The following TPBG variants were observed in gnomAD, a reference collection of about 807,000 sequenced individuals.
TPBG encodes trophoblast glycoprotein, also known as 5T4 oncofetal antigen.
A neutral mutation model predicts 19.3 loss-of-function variants in TPBG; 13 were observed. The ratio of observed to expected loss-of-function variants is 0.67; its 90% CI spans 0.44 to 1.07. The LOEUF (loss-of-function observed/expected upper bound fraction) is 1.07. Ranked by LOEUF, TPBG falls within the 50% of genes least tolerant of loss-of-function variation. The probability of loss-of-function intolerance (pLI) is 0.00; values close to 1 mark genes in which losing one functional copy is unlikely to be tolerated. For missense variants in TPBG, 642 were observed against 559.6 expected (o/e 1.15, Z -1.49); for synonymous variants, 338 against 259.8 (o/e 1.30, Z -2.89).
At position 82,366,228 on chromosome 6, in the gene TPBG, A is replaced by G. The variant is rs770735087; in HGVS notation, c.*4A>G. The G allele has an allele frequency of 4.4e-6, 7 of 1,573,672 alleles. No individual in the cohort carries two copies. The African/African-American group carries it at 5.4e-5, about 12-fold the overall frequency. ...CAGTTCTAACTCGGATGTCTGAGAA[A>G]TATTAGAGGACAGACCAAGGACAAC... On this transcript the variant is annotated 3_prime_UTR_variant, in exon 2 of 2. Transcript: ENST00000369750.
At position 82,365,529 on chromosome 6, in the gene TPBG, CG is replaced by C. The variant is rs1302368977; in HGVS notation, c.570del (p.Gln191ArgfsTer51). The C allele has an allele frequency of 6.3e-7, 1 of 1,575,386 alleles. No homozygotes were observed. Among genetic ancestry groups the C allele is most frequent in the Non-Finnish European group, 8.6e-7 (1 of 1,162,786 alleles). ...LNHIVPPEDE[R>X]QNRSFEGMVV... ...CCACATCGTGCCCCCTGAAGATGAG[CG>C]GCAGAACCGGAGCTTCGAGGGCATG... is the stretch of plus-strand genomic sequence containing the variant. On this transcript the variant is annotated frameshift_variant, in exon 2 of 2. Coordinates refer to ENST00000369750, the MANE Select transcript of TPBG (RefSeq NM_001376922.1). LOFTEE classifies it high-confidence loss of function.
In TPBG at chr6:82,365,882, C is replaced by G. The variant is rs1436994243; in HGVS notation, c.921C>G (p.Thr307=). 1 of 1,614,162 alleles carries G rather than the reference C, an allele frequency of 6.2e-7. No homozygotes were observed. Among genetic ancestry groups the G allele is most frequent in the South Asian group, 1.1e-5 (1 of 91,080 alleles). Residue 307 remains threonine (T), a synonymous_variant, in exon 2 of 2, where the codon ACC becomes ACG. Coordinates refer to ENST00000369750, the MANE Select transcript of TPBG (RefSeq NM_001376922.1). ...VCDCHMADMV[T]WLKETEVVQG... Reference sequence around the variant, plus strand: ...ACTGCCACATGGCAGACATGGTGACCTGGCTCAAGGAAACAGAGGTAGTGC... The same window carrying G: ...ACTGCCACATGGCAGACATGGTGACGTGGCTCAAGGAAACAGAGGTAGTGC...
At chr6:82,364,241 G>A (rs1562152914) in intron 1 of TPBG, 1 of 152,594 alleles carries the variant, frequency 6.6e-6, no homozygotes, top group Non-Finnish European at 1.5e-5. Context: ...CGGGGGCGGA[G>A]ACACCCGGAG....
In TPBG at chr6:82,365,080, C is replaced by A. The variant is rs758758325; in HGVS notation, c.119C>A (p.Ser40Tyr). Residue 40 changes from serine to tyrosine, a missense_variant, in exon 2 of 2, where the codon TCC becomes TAC. Coordinates refer to ENST00000369750, the MANE Select transcript of TPBG (RefSeq NM_001376922.1). The part of the protein sequence containing the change: ...SSSSPTSSAS[S>Y]FSSSAPFLAS... ...TCTTCTCCCACCTCCTCGGCATCCT[C>A]CTTCTCCTCCTCGGCGCCGTTCCTG... The A allele has an allele frequency of 3.8e-6, 6 of 1,563,006 alleles. No homozygotes were observed. The highest frequency in any genetic ancestry group is 5.2e-6 in the Non-Finnish European group (6 of 1,153,976).
At position 82,365,826 on chromosome 6, in the gene TPBG, G is replaced by T. The variant is rs1310346765; in HGVS notation, c.865G>T (p.Val289Phe). ...GTTGCAAGGTCTACCCCACATTAGG[G>T]TTTTCCTGGACAACAATCCCTGGGT... Reference protein sequence around the residue: ...AELQGLPHIRVFLDNNPWVCD... With the variant: ...AELQGLPHIRFFLDNNPWVCD... The change falls in exon 2 of 2, where the codon GTT becomes TTT. Residue 289 changes from valine to phenylalanine, a missense_variant. By Grantham distance (50) the Val-to-Phe change is conservative. Coordinates refer to ENST00000369750, the MANE Select transcript of TPBG (RefSeq NM_001376922.1). 1 of 1,614,180 alleles carries T rather than the reference G, an allele frequency of 6.2e-7. No homozygotes were observed. Among genetic ancestry groups the T allele is most frequent in the Middle Eastern group, 1.6e-4 (1 of 6,062 alleles).
rs768226055 is a variant in TPBG, at chr6:82,365,546, C to G, written c.585C>G (p.Phe195Leu). 1 of 1,575,792 alleles carries G rather than the reference C, an allele frequency of 6.3e-7. No homozygotes were observed. Among genetic ancestry groups the G allele is most frequent in the Non-Finnish European group, 8.6e-7 (1 of 1,162,372 alleles). ...PPEDERQNRS[F>L]EGMVVAALLA... is the part of the protein sequence containing the mutation. ...AAGATGAGCGGCAGAACCGGAGCTT[C>G]GAGGGCATGGTGGTGGCGGCCCTGC... The change falls in exon 2 of 2, where the codon TTC becomes TTG. Residue 195 changes from phenylalanine to leucine, a missense_variant. Transcript: ENST00000369750.
Position 82,365,788 on chromosome 6 carries a change from G to A in TPBG, c.827G>A (p.Gly276Asp), listed in dbSNP as rs201434343. 1 of 1,614,158 alleles carries A rather than the reference G, an allele frequency of 6.2e-7. No homozygotes were observed. The highest frequency in any genetic ancestry group is 2.2e-5 in the East Asian group (1 of 44,880). The change falls in exon 2 of 2, where the codon GGC (glycine) becomes GAC (aspartate). Residue 276 changes from glycine to aspartate, a missense_variant. Physicochemically the swap from Gly to Asp is moderately conservative, Grantham distance 94. Coordinates refer to ENST00000369750, the MANE Select transcript of TPBG (RefSeq NM_001376922.1). Reference sequence around the variant, plus strand: ...AATGCCCTCAAGGTCCTTCACAATGGCACCCTGGCTGAGTTGCAAGGTCTA... The same window carrying A: ...AATGCCCTCAAGGTCCTTCACAATGACACCCTGGCTGAGTTGCAAGGTCTA... The part of the protein sequence containing the change: ...EDNALKVLHN[G>D]TLAELQGLPH...
In TPBG at chr6:82,366,971, C is replaced by G. The variant is rs1291860597; in HGVS notation, c.*747C>G. On this transcript the variant is annotated 3_prime_UTR_variant, in exon 2 of 2. Coordinates refer to ENST00000369750, the MANE Select transcript of TPBG (RefSeq NM_001376922.1). ...TTTGCTTTGAAAAAAGGATGAAGGG[C>G]AGGAGTATTCAATGGTCTTGGTTCC... The G allele has an allele frequency of 1.2e-5, 2 of 166,102 alleles. No homozygotes were observed. The highest frequency in any genetic ancestry group is 1.5e-5 in the Non-Finnish European group (1 of 67,984). 10.3% of individuals were successfully genotyped at this position (166,102 alleles called of 1,614,324 possible).
In TPBG at chr6:82,366,118, A is replaced by G. The variant is rs1425768579; in HGVS notation, c.1157A>G (p.His386Arg). 6 of 1,614,246 alleles carry G rather than the reference A, an allele frequency of 3.7e-6. No individual in the cohort carries two copies. In the Admixed American group the frequency reaches 5.0e-5, roughly 13 times the overall value. ...LNRKGIKKWMHNIRDACRDHM... is the reference protein window; with the variant it reads ...LNRKGIKKWMRNIRDACRDHM... ...CGCAAGGGGATAAAAAAGTGGATGC[A>G]TAACATCAGAGATGCCTGCAGGGAT... The change falls in exon 2 of 2, where the codon CAT becomes CGT. Residue 386 changes from histidine to arginine, a missense_variant. His to Arg is a conservative substitution (Grantham distance 29). Transcript: ENST00000369750.
chr6:82,366,141 GATCA>G lies in TPBG; in HGVS notation c.1181_1184del (p.Asp394AlafsTer17). 6.2e-7 allele frequency: 1 copy of G among 1,614,110 alleles called. No homozygotes were observed. Among genetic ancestry groups the G allele is most frequent in the Non-Finnish European group, 8.5e-7 (1 of 1,180,010 alleles). On this transcript the variant is annotated frameshift_variant, in exon 2 of 2. Transcript: ENST00000369750. LOFTEE classifies it high-confidence loss of function. The stretch of plus-strand genomic sequence containing the variant: ...GCATAACATCAGAGATGCCTGCAGG[GATCA>G]CATGGAAGGGTATCATTACAGATAT...
rs1421122373 is a variant in TPBG, at chr6:82,367,103, T to G, written c.*879T>G. Reference sequence around the variant, plus strand: ...ATGGTGGATCCTTTTAGTATTTAAATGGAGAGTTTGAGTATTCATGTGACT... The same window carrying G: ...ATGGTGGATCCTTTTAGTATTTAAAGGGAGAGTTTGAGTATTCATGTGACT... On this transcript the variant is annotated 3_prime_UTR_variant, in exon 2 of 2. Coordinates refer to ENST00000369750, the MANE Select transcript of TPBG (RefSeq NM_001376922.1). 6.0e-6 allele frequency: 1 copy of G among 167,048 alleles called. No individual in the cohort carries two copies. Among genetic ancestry groups the G allele is most frequent in the Non-Finnish European group, 1.5e-5 (1 of 68,106 alleles). 10.3% of individuals were successfully genotyped at this position (167,048 alleles called of 1,614,324 possible).
In TPBG at chr6:82,365,594, G is replaced by T. The variant is rs141099200; in HGVS notation, c.633G>T (p.Gly211=). 65 of 1,598,168 alleles carry T rather than the reference G, an allele frequency of 4.1e-5. No individual in the cohort carries two copies. In the African/African-American group the frequency reaches 8.5e-4, roughly 21 times the overall value. ...AALLAGRALQ[G]LRRLELASNH... is the part of the protein sequence containing the mutation. ...TGCTGGCGGGCCGTGCACTGCAGGG[G>T]CTCCGCCGCTTGGAGCTGGCCAGCA... Residue 211 remains glycine, a synonymous_variant, in exon 2 of 2, where the codon GGG becomes GGT. Coordinates refer to ENST00000369750, the MANE Select transcript of TPBG (RefSeq NM_001376922.1).
chr6:82,364,724 T>TCCCGA lies in TPBG; in HGVS notation c.-233_-229dup. The TCCCGA allele has an allele frequency of 2.2e-6, 1 of 447,556 alleles. No individual in the cohort carries two copies. Among genetic ancestry groups the TCCCGA allele is most frequent in the Non-Finnish European group, 3.9e-6 (1 of 258,162 alleles). The allele number at this position is 447,556 out of a possible 1,614,324, so 27.7% of individuals were successfully genotyped here. On this transcript the variant is annotated 5_prime_UTR_variant, in exon 2 of 2. Transcript: ENST00000369750. ...GGGAGCAGGAGCGCGGAGCGGAGCGTCCCGACCCGCCGTGCGTACTTTCTG... is the reference window on the plus strand; with the variant it reads ...GGGAGCAGGAGCGCGGAGCGGAGCGTCCCGACCCGACCCGCCGTGCGTACTTTCTG...
chr6:82,365,250 T>C lies in TPBG; in HGVS notation c.289T>C (p.Phe97Leu). Residue 97 changes from phenylalanine to leucine, a missense_variant, in exon 2 of 2, where the codon TTC becomes CTC. Coordinates refer to ENST00000369750, the MANE Select transcript of TPBG (RefSeq NM_001376922.1). The stretch of plus-strand genomic sequence containing the variant: ...CCTGCCCGCCTACGTGCGCAACCTC[T>C]TCCTTACCGGCAACCAGCTGGCCGT... ...TDLPAYVRNL[F>L]LTGNQLAVLP... 1 of 1,585,532 alleles carries C rather than the reference T, an allele frequency of 6.3e-7. No homozygotes were observed. Among genetic ancestry groups the C allele is most frequent in the Non-Finnish European group, 8.5e-7 (1 of 1,172,814 alleles).
rs1371999476 is a variant in TPBG, at chr6:82,366,527, G to A, written c.*303G>A. On this transcript the variant is annotated 3_prime_UTR_variant, in exon 2 of 2. Coordinates refer to ENST00000369750, the MANE Select transcript of TPBG (RefSeq NM_001376922.1). ...CTTCTTGCTGTCTGTCTCTCTCTCA[G>A]TACAGTTCAAGGTGTAGCAAGTGTA... is the stretch of plus-strand genomic sequence containing the variant. 7.3e-6 allele frequency: 2 copies of A among 273,534 alleles called. No homozygotes were observed. Among genetic ancestry groups the A allele is most frequent in the Non-Finnish European group, 1.5e-5 (2 of 136,240 alleles). 16.9% of individuals were successfully genotyped at this position (273,534 alleles called of 1,614,324 possible).
In TPBG at chr6:82,365,154, C is replaced by T; in HGVS notation, c.193C>T (p.Leu65=). Residue 65 remains leucine, a synonymous_variant, in exon 2 of 2, where the codon CTG becomes TTG. Coordinates refer to ENST00000369750, the MANE Select transcript of TPBG (RefSeq NM_001376922.1). ...QPPLPDQCPA[L]CECSEAARTV... ...CCCGCTGCCGGACCAGTGCCCCGCG[C>T]TGTGCGAGTGCTCCGAGGCAGCGCG... 1 of 1,605,480 alleles carries T rather than the reference C, an allele frequency of 6.2e-7. No individual in the cohort carries two copies. Among genetic ancestry groups the T allele is most frequent in the Non-Finnish European group, 8.5e-7 (1 of 1,176,836 alleles).
chr6:82,366,027 T>A lies in TPBG; in HGVS notation c.1066T>A (p.Tyr356Asn). The change falls in exon 2 of 2, where the codon TAT (tyrosine) becomes AAT (asparagine). Residue 356 changes from tyrosine (Y) to asparagine (N), a missense_variant. By Grantham distance (143) the Tyr-to-Asn change is moderately radical. Transcript: ENST00000369750. The part of the protein sequence containing the change: ...PILPPSLQTS[Y>N]VFLGIVLALI... ...TCTTCCCCCATCCCTGCAAACCTCT[T>A]ATGTCTTCCTGGGTATTGTTTTAGC... The A allele has an allele frequency of 6.2e-7, 1 of 1,614,006 alleles. No individual in the cohort carries two copies. Among genetic ancestry groups the A allele is most frequent in the Non-Finnish European group, 8.5e-7 (1 of 1,179,922 alleles).
Position 82,365,753 on chromosome 6 carries a change from C to T in TPBG, c.792C>T (p.His264=), listed in dbSNP as rs1767480612. ...FRNLTHLESL[H]LEDNALKVLH... ...ACCTGACACATCTAGAAAGCCTCCA[C>T]CTGGAGGACAATGCCCTCAAGGTCC... The change falls in exon 2 of 2, where the codon CAC becomes CAT. Residue 264 remains histidine, a synonymous_variant. Coordinates refer to ENST00000369750, the MANE Select transcript of TPBG (RefSeq NM_001376922.1). The T allele has an allele frequency of 6.2e-7, 1 of 1,614,066 alleles. No homozygotes were observed. The highest frequency in any genetic ancestry group is 8.5e-7 in the Non-Finnish European group (1 of 1,179,966).
chr6:82,366,457 T>G lies in TPBG; in HGVS notation c.*233T>G, dbSNP rs1767507303. The G allele has an allele frequency of 4.5e-6, 2 of 444,704 alleles. No homozygotes were observed. Among genetic ancestry groups the G allele is most frequent in the Non-Finnish European group, 8.1e-6 (2 of 247,964 alleles). The allele number at this position is 444,704 out of a possible 1,614,324, so 27.5% of individuals were successfully genotyped here. A position where few individuals can be genotyped will look rare whatever the true frequency, so the allele number is the denominator to read the frequency against. The stretch of plus-strand genomic sequence containing the variant: ...ACCCTCTTCTTTTTCTTGGAACTCC[T>G]CAACACGTATGGAGGGATTTTTCAG... On this transcript the variant is annotated 3_prime_UTR_variant, in exon 2 of 2. Transcript: ENST00000369750.
Sources: allele counts gnomAD v4.1 joint callset, GRCh38; gene constraint gnomAD v4.1.1; transcripts MANE v1.5; gene names NCBI Gene and HGNC (gene_info 2026-07-23, HGNC 2026-07-21).